Variants in NUBPL observed in about 807,000 individuals in gnomAD.
The protein encoded by NUBPL is iron-sulfur cluster transfer protein NUBPL.
A neutral mutation model predicts 45.7 loss-of-function variants in NUBPL; 31 were observed. The observed-to-expected ratio is 0.68, with a 90% CI of 0.51 to 0.92. The LOEUF is 0.92. Ranked by LOEUF, NUBPL falls within the 40% of genes least tolerant of loss-of-function variation. The pLI is 0.00. For synonymous variants in NUBPL, 144 were observed against 140.9 expected, an observed-to-expected ratio of 1.02 and a Z score of -0.15; for missense variants, 401 against 398.7, an observed-to-expected ratio of 1.01 and a Z score of -0.05.
intron 4 of NUBPL, among the ~76,000 whole-genome samples, chr14:31,603,299 GAAAAAAA>G (rs529470069): frequency 1.8e-4 from 10 of 57,096 alleles, no homozygotes; most frequent in Non-Finnish European, 1.4e-4. Flanking sequence ...GATCCTGTCT[GAAAAAAA>G]AAAAAAAAAA....
chr14:31,855,854 G>T (rs1253252836), intron 10 of NUBPL, among the ~76,000 whole-genome samples: 7 of 152,060 alleles, frequency 4.6e-5, no homozygotes, highest in African/African-American at 1.7e-4. Context: ...TCTCTTACTA[G>T]CTATAATGTT....
intron 7 of NUBPL, among the ~76,000 whole-genome samples, chr14:31,817,284 C>T (rs12887004): frequency 0.47 from 71,259 of 151,844 alleles, 18,556 homozygotes; most frequent in East Asian, 0.61. Flanking sequence ...CCTTCCCCAA[C>T]CTAACAAGAC....
rs1481136841 is a variant in NUBPL, at chr14:31,860,338, A to T, written c.*1158A>T. ...AAAAAAAAAAAAAAAGTCGGGGGAG[A>T]TGCAATATTTAGCATTTCCTCAAAC... is the stretch of plus-strand genomic sequence containing the variant. On this transcript the variant is annotated 3_prime_UTR_variant, in exon 11 of 11. Coordinates refer to ENST00000281081, the MANE Select transcript of NUBPL (RefSeq NM_025152.3). 6.8e-6 allele frequency: 1 copy of T among 147,766 alleles called. No individual in the cohort carries two copies. Among genetic ancestry groups the T allele is most frequent in the African/African-American group, 2.5e-5 (1 of 40,446 alleles). The allele number at this position is 147,766 out of a possible 1,614,324, so 9.2% of individuals were successfully genotyped here.
At chr14:31,782,540 C>A (rs992239046) in intron 6 of NUBPL, among the ~76,000 whole-genome samples, 2 of 152,132 alleles carry the variant, frequency 1.3e-5, no homozygotes, top group Non-Finnish European at 2.9e-5. Context: ...CCTGTAATCC[C>A]AGCACTTTGG....
chr14:31,826,550 T>C (rs954053333), intron 7 of NUBPL, 79 bp from the exon 8 acceptor site: 23 of 1,211,672 alleles, frequency 1.9e-5, no homozygotes, highest in Non-Finnish European at 2.2e-5. Flanking sequence ...ACTATTTGCG[T>C]ATGTAAGCAA....
At chr14:31,663,371 G>T (rs940058919) in intron 4 of NUBPL, among the ~76,000 whole-genome samples, 1 of 152,014 alleles carries the variant, frequency 6.6e-6, no homozygotes, top group Non-Finnish European at 1.5e-5. Flanking sequence ...TATGGTTTTA[G>T]GTCTTATATT....
intron 6 of NUBPL, among the ~76,000 whole-genome samples, chr14:31,710,640 A>G (rs2037550233): frequency 6.6e-6 from 1 of 152,096 alleles, no homozygotes; most frequent in African/African-American, 2.4e-5. Flanking sequence ...CTGGAACCTT[A>G]CCCGTGTCCT....
At chr14:31,607,111 T>G (rs2034621308) in intron 4 of NUBPL, among the ~76,000 whole-genome samples, 1 of 152,198 alleles carries the variant, frequency 6.6e-6, no homozygotes, top group African/African-American at 2.4e-5. Flanking sequence ...CTGGGCACAG[T>G]GGCTCACGAC....
chr14:31,710,929 A>G (rs961930658), intron 6 of NUBPL, among the ~76,000 whole-genome samples: 1 of 152,210 alleles, frequency 6.6e-6, no homozygotes, highest in African/African-American at 2.4e-5. Flanking sequence ...AGAAGGAAAT[A>G]GAGTCCTGGA....
At chr14:31,762,627 A>T (rs1246272891) in intron 6 of NUBPL, among the ~76,000 whole-genome samples, 1 of 152,222 alleles carries the variant, frequency 6.6e-6, no homozygotes, top group Non-Finnish European at 1.5e-5. Flanking sequence ...TGAAAGCTTC[A>T]TATACAGAAC....
At chr14:31,758,550 T>G (rs1172181213) in intron 6 of NUBPL, among the ~76,000 whole-genome samples, 1 of 152,176 alleles carries the variant, frequency 6.6e-6, no homozygotes, top group East Asian at 1.9e-4. Flanking sequence ...TATATCCAGA[T>G]AAGCAGAGAT....
chr14:31,640,613 TCAAAA>T (rs1566468836), intron 4 of NUBPL, among the ~76,000 whole-genome samples: 1 of 73,692 alleles, frequency 1.4e-5, no homozygotes, highest in African/African-American at 9.5e-5. Context: ...AGACTCTGTC[TCAAAA>T]AAAAAAAAAA....
chr14:31,708,947 GC>G (rs2037511959), intron 6 of NUBPL, among the ~76,000 whole-genome samples: 2 of 152,280 alleles, frequency 1.3e-5, no homozygotes, highest in South Asian at 4.2e-4. Flanking sequence ...ACACTGATAA[GC>G]CCTACCGGGT....
At chr14:31,591,244 CCT>C (rs1339888150) in intron 3 of NUBPL, among the ~76,000 whole-genome samples, 1 of 152,166 alleles carries the variant, frequency 6.6e-6, no homozygotes, top group African/African-American at 2.4e-5. Context: ...CTCACTGCAA[CCT>C]CTGTCTTCCG....
intron 6 of NUBPL, among the ~76,000 whole-genome samples, chr14:31,748,130 T>G (rs934495184): frequency 6.6e-6 from 1 of 152,216 alleles, no homozygotes; most frequent in Non-Finnish European, 1.5e-5. Flanking sequence ...TTGGTATTGA[T>G]TTTTAGTTTT....
intron 6 of NUBPL, among the ~76,000 whole-genome samples, chr14:31,762,756 C>A (rs1028361196): frequency 2.0e-4 from 31 of 151,500 alleles, no homozygotes; most frequent in Admixed American, 1.6e-3. Context: ...GCATAGCCTT[C>A]CTTGAAGGCA....
At chr14:31,720,262 G>A (rs2037779730) in intron 6 of NUBPL, among the ~76,000 whole-genome samples, 1 of 152,160 alleles carries the variant, frequency 6.6e-6, no homozygotes, top group Non-Finnish European at 1.5e-5. Context: ...CTAACTTGGA[G>A]TACTGCAATA....
intron 6 of NUBPL, among the ~76,000 whole-genome samples, chr14:31,764,795 T>TAA (rs1273693611): frequency 6.6e-6 from 1 of 152,212 alleles, no homozygotes; most frequent in African/African-American, 2.4e-5. Context: ...TAGATGTCCT[T>TAA]TAGGTATTTC....
chr14:31,725,909 C>A (rs139318492), intron 6 of NUBPL, among the ~76,000 whole-genome samples: 1,602 of 151,980 alleles, frequency 0.011, 24 homozygotes, highest in African/African-American at 0.037. Context: ...GGGGTTTCAT[C>A]ATGTTGGCCA....
Sources: allele counts gnomAD v4.1 joint callset (sites outside exome capture counted in the v4.1 genomes callset), GRCh38; gene constraint gnomAD v4.1.1; transcripts MANE v1.5; gene names NCBI Gene and HGNC (gene_info 2026-07-23, HGNC 2026-07-21).